Variants in EPHA7 observed in about 807,000 individuals in gnomAD.
EPHA7 encodes the protein EPH receptor A7.
In EPHA7, 25 loss-of-function variants were observed where a neutral mutation model predicts 112.6. That is an observed-to-expected ratio of 0.22 (90% CI 0.16 to 0.31). EPHA7 has a LOEUF of 0.31. Among genes scored for constraint, EPHA7 ranks in the 10% least tolerant of loss-of-function variants. EPHA7 has a pLI of 1.00. For missense variants in EPHA7, 962 were observed against 1,212.6 expected (o/e 0.79, Z 3.07); for synonymous variants, 437 against 406.5 (o/e 1.07, Z -0.90).
chr6:93,418,754 C>G (rs937223572), intron 1 of EPHA7, among the ~76,000 whole-genome samples: 2 of 152,206 alleles, frequency 1.3e-5, no homozygotes, highest in African/African-American at 2.4e-5. Context: ...ATCGAAGTCT[C>G]GGTCCCTCTG....
chr6:93,399,491 A>AT (rs1403755365), intron 3 of EPHA7, among the ~76,000 whole-genome samples: 8 of 152,182 alleles, frequency 5.3e-5, no homozygotes, highest in African/African-American at 1.9e-4. Context: ...ATTCTACAGG[A>AT]TTTTTTAGCC....
intron 5 of EPHA7, among the ~76,000 whole-genome samples, chr6:93,274,550 A>C (rs1771378366): frequency 6.6e-6 from 1 of 151,982 alleles, no homozygotes; most frequent in African/African-American, 2.4e-5. Context: ...ACAGTGAAAT[A>C]TGCTGCAACG....
intron 3 of EPHA7, among the ~76,000 whole-genome samples, chr6:93,384,791 T>C (rs537513168): frequency 6.6e-6 from 1 of 152,326 alleles, no homozygotes; most frequent in South Asian, 2.1e-4. Context: ...CGATTTGTCT[T>C]CTTAAAATAT....
chr6:93,366,082 T>C (rs1030279892), intron 3 of EPHA7, among the ~76,000 whole-genome samples: 21 of 152,122 alleles, frequency 1.4e-4, no homozygotes, highest in African/African-American at 5.1e-4. Flanking sequence ...GAGTTATGAC[T>C]CTTTATTTCA....
rs1778931353 is a variant in EPHA7 at position 93,410,634 on chromosome 6, T to C, written c.699A>G (p.Thr233=). Reference sequence around the variant, plus strand: ...CTTCTTCCTCTGCACTGCTGACACATGTCCCTCGAACCTCGACTAAAGAGG... The same window carrying C: ...CTTCTTCCTCTGCACTGCTGACACACGTCCCTCGAACCTCGACTAAAGAGG... ...EFSSLVEVRG[T]CVSSAEEEAE... Residue 233 remains threonine (T), a synonymous_variant, in exon 3 of 17, where the codon ACA becomes ACG. Transcript: ENST00000369303. This position sits in a 1 kb window ranked among gnomAD's most constrained non-coding sequence, Gnocchi z 4.0. 6.2e-7 allele frequency: 1 copy of C among 1,613,998 alleles called. No individual in the cohort carries two copies. Among genetic ancestry groups the C allele is most frequent in the Non-Finnish European group, 8.5e-7 (1 of 1,179,960 alleles).
At chr6:93,401,712 AG>A (rs1463429813) in intron 3 of EPHA7, among the ~76,000 whole-genome samples, 2 of 152,028 alleles carry the variant, frequency 1.3e-5, no homozygotes, top group African/African-American at 4.8e-5. Context: ...GATATTTTGC[AG>A]GGGATGAGGT....
intron 5 of EPHA7, among the ~76,000 whole-genome samples, chr6:93,289,463 C>CAAA (rs3078554): frequency 1.4e-5 from 2 of 144,772 alleles, no homozygotes; most frequent in African/African-American, 5.0e-5. Context: ...ACTAAAAATA[C>CAAA]AAAAAAAAAA....
intron 3 of EPHA7, among the ~76,000 whole-genome samples, chr6:93,363,565 A>G (rs952994873): frequency 1.1e-4 from 16 of 152,158 alleles, no homozygotes; most frequent in Non-Finnish European, 1.8e-4. Flanking sequence ...AAAGATAACA[A>G]GTGTTGGTGA....
intron 1 of EPHA7, among the ~76,000 whole-genome samples, chr6:93,417,840 A>G (rs1399731043): frequency 6.6e-6 from 1 of 152,058 alleles, no homozygotes; most frequent in Non-Finnish European, 1.5e-5. Flanking sequence ...TTCAGCATCT[A>G]TACAGGTTGC....
chr6:93,373,246 C>T (rs1446763830), intron 3 of EPHA7, among the ~76,000 whole-genome samples: 5 of 151,682 alleles, frequency 3.3e-5, no homozygotes, highest in Admixed American at 6.6e-5. Flanking sequence ...TACTTTATTG[C>T]TTCAATATCA....
In EPHA7 at chr6:93,263,847, G is replaced by A. The variant is rs1263060531; in HGVS notation, c.1798+13C>T. 6.2e-7 allele frequency: 1 copy of A among 1,607,222 alleles called. No individual in the cohort carries two copies. Among genetic ancestry groups the A allele is most frequent in the African/African-American group, 1.3e-5 (1 of 74,472 alleles). On this transcript the variant is annotated intron_variant, in intron 9 of 16. Transcript: ENST00000369303. ...TAGGGGTACATCATAATAAAGAAAA[G>A]CCAAACACTTACAATGAAAGTAAAG...
intron 5 of EPHA7, among the ~76,000 whole-genome samples, chr6:93,308,237 T>C (rs920670343): frequency 3.3e-5 from 5 of 152,176 alleles, no homozygotes; most frequent in African/African-American, 1.2e-4. Flanking sequence ...GCATCCCCTC[T>C]TGCTCGGGAT....
intron 9 of EPHA7, among the ~76,000 whole-genome samples, chr6:93,263,077 A>C (rs1770763268): frequency 6.6e-6 from 1 of 151,418 alleles, no homozygotes. Flanking sequence ...ATTGGTTTTT[A>C]ATATTCTTAA....
At chr6:93,358,215 G>T in intron 4 of EPHA7, 41 bp downstream of exon 4, 2 of 1,499,480 alleles carry the variant, frequency 1.3e-6, no homozygotes, top group Admixed American at 2.0e-5. Context: ...CAAATGAGTG[G>T]AAGGGATTGG....
At chr6:93,348,218 T>G (rs1775500883) in intron 5 of EPHA7, among the ~76,000 whole-genome samples, 3 of 151,930 alleles carry the variant, frequency 2.0e-5, no homozygotes, top group Admixed American at 6.6e-5. Flanking sequence ...CACAGGTTAC[T>G]TAGAGGTATT....
chr6:93,385,507 TA>T (rs992662110), intron 3 of EPHA7, among the ~76,000 whole-genome samples: 6 of 151,980 alleles, frequency 3.9e-5, no homozygotes, highest in African/African-American at 1.4e-4. Flanking sequence ...TTCTTGAAAA[TA>T]AAAAACCCTA....
At chr6:93,387,962 GATAGATAGATAGATAGA>G (rs1554189120) in intron 3 of EPHA7, among the ~76,000 whole-genome samples, 1 of 151,670 alleles carries the variant, frequency 6.6e-6, no homozygotes, top group African/African-American at 2.4e-5. Context: ...TAGATAGATA[GATAGATAGATAGATAGA>G]ATAGATAGAT....
intron 5 of EPHA7, among the ~76,000 whole-genome samples, chr6:93,295,548 T>C (rs778582053): frequency 3.3e-5 from 5 of 151,868 alleles, no homozygotes; most frequent in Middle Eastern, 3.4e-3. Flanking sequence ...ATATGACGTT[T>C]TCTTCCACTG....
intron 14 of EPHA7, among the ~76,000 whole-genome samples, chr6:93,252,796 C>A (rs918685982): frequency 2.0e-5 from 3 of 151,678 alleles, no homozygotes; most frequent in Non-Finnish European, 4.4e-5. Flanking sequence ...TTATTTTAGA[C>A]CTCCTAAATA....
Sources: gnomAD v4.1 joint callset for allele counts (sites outside exome capture counted in the v4.1 genomes callset) on GRCh38, gnomAD v4.1.1 for gene constraint, Gnocchi (gnomAD v3.1) non-coding constraint, MANE v1.5 for transcripts, NCBI Gene and HGNC (gene_info 2026-07-23, HGNC 2026-07-21) for gene names.